The following GPHN variants were observed in gnomAD, a reference collection of about 807,000 sequenced individuals.
GPHN encodes the protein gephyrin.
In GPHN, 17 loss-of-function variants were observed where a neutral mutation model predicts 95.5. The ratio of observed to expected loss-of-function variants is 0.18; its 90% CI spans 0.12 to 0.27. The LOEUF is 0.27. Among genes scored for constraint, GPHN ranks in the 10% least tolerant of loss-of-function variants. The probability of loss-of-function intolerance (pLI) is 1.00; values close to 1 mark genes in which losing one functional copy is unlikely to be tolerated. For missense variants in GPHN, 660 were observed against 978.1 expected, an observed-to-expected ratio of 0.67 and a Z score of 4.34; for synonymous variants, 320 against 322.5, an observed-to-expected ratio of 0.99 and a Z score of 0.08.
At chr14:66,887,806 G>C (rs1375354794) in intron 5 of GPHN, among the ~76,000 whole-genome samples, 1 of 152,104 alleles carries the variant, frequency 6.6e-6, no homozygotes, top group Non-Finnish European at 1.5e-5. Context: ...TATCAGTCTG[G>C]GAATTTAAAA....
chr14:66,710,454 T>G (rs547514524), intron 2 of GPHN, among the ~76,000 whole-genome samples: 7 of 152,210 alleles, frequency 4.6e-5, no homozygotes, highest in Non-Finnish European at 8.8e-5. Context: ...TGATATGTCT[T>G]TTTTCACATA....
At chr14:67,571,260 G>A in the GPHN span, 1 of 159,970 alleles carries the variant, frequency 6.3e-6, no homozygotes, top group East Asian at 1.7e-4. Context: ...TTTAATTTTT[G>A]ACAGGTACTG....
chr14:66,971,296 C>T (rs899119581), intron 9 of GPHN, among the ~76,000 whole-genome samples: 41 of 152,180 alleles, frequency 2.7e-4, no homozygotes, highest in African/African-American at 9.9e-4. Context: ...CCATTACACT[C>T]CAGCCTGGGC....
At chr14:66,908,572 T>C (rs1262638593) in intron 5 of GPHN, among the ~76,000 whole-genome samples, 1 of 152,092 alleles carries the variant, frequency 6.6e-6, no homozygotes. Flanking sequence ...TCCTCACTTC[T>C]TAGGCATGGG....
At chr14:66,962,606 C>T (rs903829858) in intron 8 of GPHN, among the ~76,000 whole-genome samples, 1 of 151,784 alleles carries the variant, frequency 6.6e-6, no homozygotes, top group Non-Finnish European at 1.5e-5. Flanking sequence ...GTCTTTTACC[C>T]ACAATTTACT....
the GPHN span, among the ~76,000 whole-genome samples, chr14:67,304,443 G>A: frequency 6.6e-6 from 1 of 152,094 alleles, no homozygotes; most frequent in Non-Finnish European, 1.5e-5. Context: ...ATGTATGATG[G>A]GATATTATTT....
intron 1 of GPHN, among the ~76,000 whole-genome samples, chr14:66,652,724 T>C (rs1185748162): frequency 6.6e-6 from 1 of 152,040 alleles, no homozygotes; most frequent in Non-Finnish European, 1.5e-5. Context: ...GGTGGGGCAA[T>C]TGTGGTCATG....
At chr14:67,625,757 G>A in the GPHN span, among the ~76,000 whole-genome samples, 1 of 147,514 alleles carries the variant, frequency 6.8e-6, no homozygotes, top group Non-Finnish European at 1.5e-5. Context: ...AAGAGAAAAG[G>A]TAAAAAGACT....
the GPHN span, among the ~76,000 whole-genome samples, chr14:67,489,522 C>T: frequency 6.6e-6 from 1 of 152,186 alleles, no homozygotes; most frequent in African/African-American, 2.4e-5. Context: ...CTGTTTCAAG[C>T]ACTGTCATCT....
chr14:67,060,814 T>C (rs1205955398), intron 11 of GPHN, among the ~76,000 whole-genome samples: 1 of 152,222 alleles, frequency 6.6e-6, no homozygotes, highest in Non-Finnish European at 1.5e-5. Context: ...TGCAGGCTAG[T>C]AGTTTCAGAT....
chr14:66,545,200 G>A (rs1485376428), intron 1 of GPHN, among the ~76,000 whole-genome samples: 1 of 150,154 alleles, frequency 6.7e-6, no homozygotes, highest in Non-Finnish European at 1.5e-5. Flanking sequence ...GGCTGGCCGG[G>A]CGGGGGGCTG....
the GPHN span, chr14:67,727,338 C>G: frequency 1.4e-6 from 1 of 731,654 alleles, no homozygotes; most frequent in Non-Finnish European, 2.4e-6. Context: ...GGAATAAAAA[C>G]AGAGTGCTTG....
intron 1 of GPHN, among the ~76,000 whole-genome samples, chr14:66,665,576 C>G (rs572023682): frequency 6.6e-6 from 1 of 152,090 alleles, no homozygotes; most frequent in African/African-American, 2.4e-5. Flanking sequence ...GTTAGAATGG[C>G]GATCATTAAA....
chr14:67,072,100 T>G (rs1017849031), intron 11 of GPHN, among the ~76,000 whole-genome samples: 1 of 152,182 alleles, frequency 6.6e-6, no homozygotes, highest in African/African-American at 2.4e-5. Flanking sequence ...CTTGCAATTT[T>G]TAAATTCTGT....
chr14:67,635,113 G>A, the GPHN span, among the ~76,000 whole-genome samples: 37 of 152,144 alleles, frequency 2.4e-4, no homozygotes, highest in South Asian at 6.5e-3. Flanking sequence ...GTATGGTGGC[G>A]CATGCCTGTA....
intron 4 of GPHN, among the ~76,000 whole-genome samples, chr14:66,870,344 GT>G (rs1380705039): frequency 6.6e-6 from 1 of 152,104 alleles, no homozygotes; most frequent in African/African-American, 2.4e-5. Context: ...AACATATAAG[GT>G]TTGTGTCTCT....
intron 9 of GPHN, among the ~76,000 whole-genome samples, chr14:66,973,421 C>T (rs1372285772): frequency 6.6e-6 from 1 of 152,152 alleles, no homozygotes; most frequent in Non-Finnish European, 1.5e-5. Context: ...AACTAATTTT[C>T]CCCAGGATAT....
chr14:66,619,320 G>A (rs183769908), intron 1 of GPHN, among the ~76,000 whole-genome samples: 18 of 152,240 alleles, frequency 1.2e-4, no homozygotes, highest in Admixed American at 2.0e-4. Flanking sequence ...TCCCAAAGTG[G>A]TTGTTCTCAT....
chr14:67,405,769 T>C, the GPHN span, among the ~76,000 whole-genome samples: 9 of 152,176 alleles, frequency 5.9e-5, no homozygotes, highest in East Asian at 1.9e-4. Flanking sequence ...AGCAGCCCAA[T>C]TGAGAGGTGA....
Sources: gnomAD v4.1 joint callset for allele counts (sites outside exome capture counted in the v4.1 genomes callset) on GRCh38, gnomAD v4.1.1 for gene constraint, MANE v1.5 for transcripts, NCBI Gene and HGNC (gene_info 2026-07-23, HGNC 2026-07-21) for gene names.